The following CECR2 variants were observed in gnomAD, a reference collection of about 807,000 sequenced individuals.
CECR2 encodes chromatin remodeling regulator CECR2.
In CECR2, 30 loss-of-function variants were observed where a neutral mutation model predicts 154.5. That is an observed-to-expected ratio of 0.19 (90% CI 0.15 to 0.26). The LOEUF is 0.26. CECR2 is among the 10% of genes least tolerant of loss of function. The probability of loss-of-function intolerance (pLI) is 1.00; values close to 1 mark genes in which losing one functional copy is unlikely to be tolerated. For synonymous variants in CECR2, 725 were observed against 683.7 expected (o/e 1.06, Z -0.94); for missense variants, 1,743 against 1,829.3 (o/e 0.95, Z 0.86).
At chr22:17,393,837 A>T (rs1484901625) in intron 1 of CECR2, among the ~76,000 whole-genome samples, 1 of 152,038 alleles carries the variant, frequency 6.6e-6, no homozygotes. Flanking sequence ...AGTTTTAAAA[A>T]ATGGGCTGTT....
chr22:17,447,788 A>G (rs2054699212), intron 1 of CECR2, among the ~76,000 whole-genome samples: 1 of 152,040 alleles, frequency 6.6e-6, no homozygotes, highest in Non-Finnish European at 1.5e-5. Flanking sequence ...CTGTTGTCCA[A>G]TGTATTAGCC....
rs1239317589 is a variant in CECR2 at position 17,558,034 on chromosome 22, G to A, written c.*5194G>A. ...TTACCTCAATAGTTAGTTCAATATT[G>A]TGTGTTGGATAATTTTTTAAAAGAA... On this transcript the variant is annotated 3_prime_UTR_variant, in exon 19 of 19. Transcript: ENST00000262608. The A allele has an allele frequency of 6.6e-6, 1 of 152,218 alleles. No homozygotes were observed. The allele number at this position is 152,218 out of a possible 1,614,324, so 9.4% of individuals were successfully genotyped here.
At chr22:17,484,372 T>C (rs1353350136) in intron 2 of CECR2, among the ~76,000 whole-genome samples, 2 of 152,264 alleles carry the variant, frequency 1.3e-5, no homozygotes, top group East Asian at 3.9e-4. Flanking sequence ...GGCTCTGTGT[T>C]GCAGGTAATC....
chr22:17,468,895 T>A (rs2055075783), intron 1 of CECR2, among the ~76,000 whole-genome samples: 1 of 152,046 alleles, frequency 6.6e-6, no homozygotes, highest in South Asian at 2.1e-4. Flanking sequence ...AGGGCTGTTG[T>A]GTGGCACCTT....
chr22:17,470,880 TC>T (rs2055115794), intron 1 of CECR2, among the ~76,000 whole-genome samples: 1 of 152,198 alleles, frequency 6.6e-6, no homozygotes, highest in African/African-American at 2.4e-5. Context: ...GATTATTCTT[TC>T]TTTTCTTTGT....
rs915577323 is a variant in CECR2 at position 17,499,280 on chromosome 22, C to T, written c.406-130C>T. ...CTGGGATTACAGGCGTGAGCCACCA[C>T]GCCCAGCGATACTTGGGCATTTTTA... On this transcript the variant is annotated intron_variant, in intron 3 of 18. Transcript: ENST00000262608. 50 of 1,131,192 alleles carry T rather than the reference C, an allele frequency of 4.4e-5. 1 individual carries two copies. Among genetic ancestry groups the T allele is most frequent in the African/African-American group, 1.3e-4 (8 of 63,422 alleles). The allele number at this position is 1,131,192 out of a possible 1,614,324, so 70.1% of individuals were successfully genotyped here. A position where few individuals can be genotyped will look rare whatever the true frequency, so the allele number is the denominator to read the frequency against.
At chr22:17,401,990 C>CT (rs2053900593) in intron 1 of CECR2, among the ~76,000 whole-genome samples, 1 of 152,000 alleles carries the variant, frequency 6.6e-6, no homozygotes, top group South Asian at 2.1e-4. Context: ...AACATTTTAA[C>CT]TTTTTTTATT....
rs572712907 is a variant in CECR2 at position 17,481,049 on chromosome 22, T to TAAAAAAAAAAAAAAAAAAAA, written c.221+3379_221+3380insAAAAAAAAAAAAAAAAAAAA. Among the ~76,000 whole-genome samples the TAAAAAAAAAAAAAAAAAAAA allele has an allele frequency of 3.1e-3, 284 of 91,980 alleles. 17 individuals carry two copies. The highest frequency in any genetic ancestry group is 4.4e-3 in the Non-Finnish European group (185 of 41,652). The allele number at this position is 91,980 out of a possible 152,430, so 60.3% of individuals were successfully genotyped here. ...AGTGAGACTCCATCTCTTTTTTTTTTAAAAAAAAAAAAGGCCGGGCACGGT... is the reference window on the plus strand; with the variant it reads ...AGTGAGACTCCATCTCTTTTTTTTTTAAAAAAAAAAAAAAAAAAAAAAAAAAAAAAAAGGCCGGGCACGGT... On this transcript the variant is annotated intron_variant, in intron 2 of 18. Coordinates refer to ENST00000262608, the MANE Select transcript of CECR2 (RefSeq NM_001290047.2).
chr22:17,510,535 TAAAG>T (rs777053699), intron 7 of CECR2, among the ~76,000 whole-genome samples: 6 of 152,214 alleles, frequency 3.9e-5, no homozygotes, highest in Non-Finnish European at 8.8e-5. Flanking sequence ...GACAAGTACT[TAAAG>T]AAGGTCATGA....
At chr22:17,473,177 G>C (rs1033212152) in intron 1 of CECR2, among the ~76,000 whole-genome samples, 1 of 152,198 alleles carries the variant, frequency 6.6e-6, no homozygotes, top group Non-Finnish European at 1.5e-5. Context: ...CTGCAGAGGG[G>C]CAGTGGTAAC....
At chr22:17,442,141 A>G (rs2054593721) in intron 1 of CECR2, among the ~76,000 whole-genome samples, 1 of 131,564 alleles carries the variant, frequency 7.6e-6, no homozygotes, top group African/African-American at 3.7e-5. Context: ...AAGGTGGGAA[A>G]GACAGAAAAA....
chr22:17,490,147 T>TTTTGTGTG (rs1555917192), intron 2 of CECR2, among the ~76,000 whole-genome samples: 3 of 149,676 alleles, frequency 2.0e-5, no homozygotes, highest in Non-Finnish European at 4.4e-5. Flanking sequence ...TGTTTTTTTT[T>TTTTGTGTG]TGTGTGTGTG....
At chr22:17,510,706 A>G (rs1366935765) in intron 7 of CECR2, among the ~76,000 whole-genome samples, 1 of 152,090 alleles carries the variant, frequency 6.6e-6, no homozygotes, top group African/African-American at 2.4e-5. Flanking sequence ...GGTTCAAGCA[A>G]TTCTCCTGTC....
At chr22:17,371,464 T>C (rs116514230) in intron 1 of CECR2, among the ~76,000 whole-genome samples, 2,379 of 152,322 alleles carry the variant, frequency 0.016, 68 homozygotes, top group African/African-American at 0.054. Flanking sequence ...AAAATATTCT[T>C]TAGACAACTG....
At chr22:17,403,797 AAGGTTTGTTTC>A (rs1266620154) in intron 1 of CECR2, among the ~76,000 whole-genome samples, 1 of 151,282 alleles carries the variant, frequency 6.6e-6, no homozygotes, top group African/African-American at 2.4e-5. Flanking sequence ...TAAGGTCACA[AAGGTTTGTTTC>A]TTACATTTTC....
In CECR2 at chr22:17,498,617, A is replaced by G. The variant is rs556529166; in HGVS notation, c.406-793A>G. On this transcript the variant is annotated intron_variant, in intron 3 of 18. Transcript: ENST00000262608. ...AGCAGTGAGAAGGCCAGTACAGGTC[A>G]GCCCCCGAGGTAAATTGGGAGCCCT... Among the ~76,000 whole-genome samples, 4 of 152,322 alleles carry G rather than the reference A, an allele frequency of 2.6e-5. No individual in the cohort carries two copies. In the South Asian group the frequency reaches 8.3e-4, roughly 32 times the overall value.
At chr22:17,497,069 G>A (rs529509649) in intron 2 of CECR2, among the ~76,000 whole-genome samples, 226 of 152,296 alleles carry the variant, frequency 1.5e-3, no homozygotes, top group Middle Eastern at 0.01. Flanking sequence ...CAAGGCGGGC[G>A]GATCGTGTGA....
intron 2 of CECR2, among the ~76,000 whole-genome samples, chr22:17,480,194 CA>C (rs977049226): frequency 6.6e-6 from 1 of 151,602 alleles, no homozygotes; most frequent in Non-Finnish European, 1.5e-5. Context: ...TCTCTTTTTT[CA>C]GTGTTAATAC....
intron 8 of CECR2, among the ~76,000 whole-genome samples, chr22:17,515,803 G>A (rs1481115172): frequency 2.0e-5 from 3 of 151,870 alleles, no homozygotes; most frequent in East Asian, 3.9e-4. Context: ...AGCCTCCCAA[G>A]TAGCTGGGAC....
Sources: gnomAD v4.1 joint callset for allele counts (sites outside exome capture counted in the v4.1 genomes callset) on GRCh38, gnomAD v4.1.1 for gene constraint, MANE v1.5 for transcripts, NCBI Gene and HGNC (gene_info 2026-07-23, HGNC 2026-07-21) for gene names.